The following NPIPB2 variants were observed in gnomAD, a reference collection of about 807,000 sequenced individuals.
NPIPB2 encodes nuclear pore complex interacting protein family member B2.
In NPIPB2, 27 loss-of-function variants were observed where a neutral mutation model predicts 30.8. The observed-to-expected ratio is 0.88, with a 90% CI of 0.65 to 1.21. The LOEUF (loss-of-function observed/expected upper bound fraction) is 1.21. Among genes scored for constraint, NPIPB2 ranks in the 50% most tolerant of loss-of-function variants. The pLI, the probability that NPIPB2 is intolerant of heterozygous loss-of-function variation, is 0.00. For missense variants in NPIPB2, 440 were observed against 446.2 expected (o/e 0.99, Z 0.13); for synonymous variants, 147 against 162.0 (o/e 0.91, Z 0.70).
chr16:11,930,400 C>T, intron 5 of NPIPB2, 50 bp downstream of exon 5: 1 of 1,483,280 alleles, frequency 6.7e-7, no homozygotes, highest in Non-Finnish European at 9.1e-7. Context: ...TTAAAAACAA[C>T]ACTCCAATGG....
At chr16:11,930,507 T>C (rs1269822566) in exon 5 of NPIPB2, 8 of 1,588,032 alleles carry the variant, frequency 5.0e-6, no homozygotes, top group Non-Finnish European at 6.8e-6. Flanking sequence ...CTCTGACACC[T>C]GCCTCTCCTT....
At chr16:11,947,427 C>T (rs956874704) in intron 1 of NPIPB2, among the ~76,000 whole-genome samples, 3 of 151,324 alleles carry the variant, frequency 2.0e-5, no homozygotes, top group Non-Finnish European at 4.4e-5. Context: ...TCACTGCAAG[C>T]TCCACCTCCC....
chr16:11,965,210 A>G, intron 1 of NPIPB2: 5 of 1,419,968 alleles, frequency 3.5e-6, no homozygotes, highest in South Asian at 2.6e-5. Context: ...GGCGAAGTTC[A>G]TTGTTCTCAA....
At chr16:11,954,206 G>A (rs1278017188) in intron 1 of NPIPB2, among the ~76,000 whole-genome samples, 1 of 151,866 alleles carries the variant, frequency 6.6e-6, no homozygotes, top group African/African-American at 2.4e-5. Context: ...TTAATTTTAG[G>A]CCAGGCATGG....
intron 1 of NPIPB2, among the ~76,000 whole-genome samples, chr16:11,953,162 T>A (rs2055082644): frequency 6.6e-6 from 1 of 152,182 alleles, no homozygotes. Flanking sequence ...GTATTTTTTT[T>A]CAAGGTGGAG....
upstream of NPIPB2, among the ~76,000 whole-genome samples, chr16:11,942,412 G>A (rs1472515969): frequency 6.7e-6 from 1 of 149,570 alleles, no homozygotes; most frequent in Non-Finnish European, 1.5e-5. Context: ...GCAATAAAAT[G>A]TCTCCCTCTG....
At chr16:11,948,063 C>T (rs1204831925) in intron 1 of NPIPB2, among the ~76,000 whole-genome samples, 1 of 150,616 alleles carries the variant, frequency 6.6e-6, no homozygotes, top group Middle Eastern at 3.2e-3. Flanking sequence ...CTGTCTCCTA[C>T]TTCTCTGCCC....
chr16:11,946,793 C>T (rs963461500), upstream of NPIPB2, among the ~76,000 whole-genome samples: 4 of 152,030 alleles, frequency 2.6e-5, no homozygotes, highest in African/African-American at 9.7e-5. Context: ...GTATCTCTGA[C>T]TGAGAGGAAT....
chr16:11,958,102 T>C (rs907872194), intron 1 of NPIPB2, among the ~76,000 whole-genome samples: 2 of 152,170 alleles, frequency 1.3e-5, no homozygotes, highest in African/African-American at 4.8e-5. Context: ...CACTCAGGAC[T>C]GACTACTTAA....
chr16:11,935,698 T>C (rs2054856441), intron 2 of NPIPB2, among the ~76,000 whole-genome samples: 1 of 149,986 alleles, frequency 6.7e-6, no homozygotes, highest in Non-Finnish European at 1.5e-5. Context: ...TGTACTAGGA[T>C]TTCGAGAGAA....
chr16:11,954,251 G>C (rs2055091689), intron 1 of NPIPB2, among the ~76,000 whole-genome samples: 1 of 152,028 alleles, frequency 6.6e-6, no homozygotes, highest in Admixed American at 6.6e-5. Flanking sequence ...GTTTGGGAGA[G>C]TGAGGTGGGA....
chr16:11,948,623 C>T lies in NPIPB2; in HGVS notation c.-583-6509G>A, dbSNP rs937503182. Reference sequence around the variant, plus strand: ...CTACTAAAAATACAAAAAAATTAGCCGGGCGTAGTGGCGGGCGCCTGTAGT... The same window carrying T: ...CTACTAAAAATACAAAAAAATTAGCTGGGCGTAGTGGCGGGCGCCTGTAGT... On this transcript the variant is annotated intron_variant, in intron 1 of 5. Coordinates refer to the NPIPB2 transcript ENST00000538896. 5.3e-5 allele frequency among the ~76,000 whole-genome samples: 8 copies of T among 151,558 alleles called. No individual in the cohort carries two copies. In the East Asian group the frequency reaches 9.7e-4, roughly 18 times the overall value.
intron 1 of NPIPB2, among the ~76,000 whole-genome samples, chr16:11,975,473 G>A (rs942550611): frequency 4.0e-5 from 6 of 151,890 alleles, no homozygotes; most frequent in Non-Finnish European, 8.8e-5. Context: ...TATCTCCACT[G>A]CCACCACTGT....
chr16:11,968,963 T>C (rs2055217696), intron 1 of NPIPB2, among the ~76,000 whole-genome samples: 2 of 151,552 alleles, frequency 1.3e-5, no homozygotes, highest in Non-Finnish European at 2.9e-5. Flanking sequence ...ACCTCTCAGG[T>C]TCAAGCGATT....
chr16:11,952,622 T>C (rs967853875), intron 1 of NPIPB2, among the ~76,000 whole-genome samples: 1 of 149,174 alleles, frequency 6.7e-6, no homozygotes, highest in Non-Finnish European at 1.5e-5. Flanking sequence ...TGAAGTGCAG[T>C]GGCACAATCT....
rs894548124 is a variant in NPIPB2, at chr16:11,968,121, T to TG, written c.-584+8446dup. On this transcript the variant is annotated intron_variant, in intron 1 of 5. Coordinates refer to the NPIPB2 transcript ENST00000538896. Reference sequence around the variant, plus strand: ...TTAAAAACAAGCATGTATACCAGTGTGGGGGGTGAGGGTGGGAGAGAAAGG... The same window carrying TG: ...TTAAAAACAAGCATGTATACCAGTGTGGGGGGGTGAGGGTGGGAGAGAAAGG... 18 of 311,068 alleles carry TG rather than the reference T, an allele frequency of 5.8e-5. 1 individual carries two copies. The highest frequency in any genetic ancestry group is 1.1e-4 in the Non-Finnish European group (18 of 167,422). The allele number at this position is 311,068 out of a possible 1,614,324, so 19.3% of individuals were successfully genotyped here.
chr16:11,964,740 T>C (rs550066776), intron 1 of NPIPB2, among the ~76,000 whole-genome samples: 1 of 152,300 alleles, frequency 6.6e-6, no homozygotes, highest in East Asian at 1.9e-4. Flanking sequence ...TTTAAAATGT[T>C]TTTGTAAAGT....
At chr16:11,973,330 G>A (rs1048973876) in intron 1 of NPIPB2, among the ~76,000 whole-genome samples, 1 of 152,128 alleles carries the variant, frequency 6.6e-6, no homozygotes, top group East Asian at 1.9e-4. Context: ...AGATGACTGG[G>A]GGACTGAGAA....
chr16:11,930,549 T>A (rs2054777945), exon 5 of NPIPB2: 3 of 1,577,738 alleles, frequency 1.9e-6, no homozygotes, highest in Non-Finnish European at 2.6e-6. Flanking sequence ...CACGCTTAGT[T>A]TCCTCAGATT....
Sources: gnomAD v4.1 joint callset for allele counts (sites outside exome capture counted in the v4.1 genomes callset) on GRCh38, gnomAD v4.1.1 for gene constraint, MANE v1.5 for transcripts, NCBI Gene and HGNC (gene_info 2026-07-23, HGNC 2026-07-21) for gene names.